The following CD96 variants were observed in gnomAD, a reference collection of about 807,000 sequenced individuals.
CD96 encodes CD96 molecule, also known as T-cell surface protein tactile.
In CD96, 70 loss-of-function variants were observed where a neutral mutation model predicts 71.3. The observed-to-expected ratio is 0.98, with a 90% CI of 0.81 to 1.20. CD96 has a LOEUF of 1.20. Ranked by LOEUF, CD96 falls within the 50% of genes most tolerant of loss-of-function variation. The probability of loss-of-function intolerance (pLI) is 0.00; values close to 1 mark genes in which losing one functional copy is unlikely to be tolerated. For missense variants in CD96, 742 were observed against 677.5 expected (o/e 1.10, Z -1.06); for synonymous variants, 248 against 233.0 (o/e 1.06, Z -0.59).
intron 2 of CD96, among the ~76,000 whole-genome samples, chr3:111,547,037 G>C (rs1934443798): frequency 6.6e-6 from 1 of 151,986 alleles, no homozygotes; most frequent in Non-Finnish European, 1.5e-5. Flanking sequence ...TACATAGTTT[G>C]ATTCAGGTAG....
chr3:111,658,182 A>G (rs554267125), intron 14 of CD96, among the ~76,000 whole-genome samples: 1 of 152,240 alleles, frequency 6.6e-6, no homozygotes, highest in Non-Finnish European at 1.5e-5. Context: ...AGGGTATGTC[A>G]GAAGGATATA....
intron 2 of CD96, among the ~76,000 whole-genome samples, chr3:111,565,529 T>A (rs545540122): frequency 6.6e-6 from 1 of 152,056 alleles, no homozygotes; most frequent in South Asian, 2.1e-4. Context: ...ATATTTTAAA[T>A]AAATATATAT....
At chr3:111,600,628 T>G in intron 6 of CD96, 98 bp from the exon 7 acceptor site, 1 of 925,094 alleles carries the variant, frequency 1.1e-6, no homozygotes, top group Non-Finnish European at 1.8e-6. Context: ...CACTTTAGAC[T>G]CTACATTACC....
intron 14 of CD96, among the ~76,000 whole-genome samples, chr3:111,661,567 C>T (rs1467356600): frequency 6.6e-6 from 1 of 152,186 alleles, no homozygotes; most frequent in Non-Finnish European, 1.5e-5. Flanking sequence ...GGTAAATGCT[C>T]CCATTCTGAA....
At chr3:111,644,674 AAAAC>A (rs1292822537) in intron 12 of CD96, among the ~76,000 whole-genome samples, 1 of 152,212 alleles carries the variant, frequency 6.6e-6, no homozygotes, top group Admixed American at 6.5e-5. Flanking sequence ...TAGTAAGAAA[AAAAC>A]AAACAACCCT....
chr3:111,581,550 A>G (rs1936467678), intron 4 of CD96, among the ~76,000 whole-genome samples: 2 of 152,044 alleles, frequency 1.3e-5, no homozygotes, highest in East Asian at 3.9e-4. Flanking sequence ...AAGAGGGGCT[A>G]CTCCAGCAAT....
downstream of CD96, among the ~76,000 whole-genome samples, chr3:111,665,963 T>C (rs1323686646): frequency 6.6e-6 from 1 of 152,230 alleles, no homozygotes; most frequent in African/African-American, 2.4e-5. Flanking sequence ...GCTTGACCAA[T>C]ATTTATCTGT....
intron 7 of CD96, among the ~76,000 whole-genome samples, chr3:111,603,305 A>C (rs1017274009): frequency 6.6e-6 from 1 of 152,080 alleles, no homozygotes; most frequent in Non-Finnish European, 1.5e-5. Context: ...TCAGCCGGGC[A>C]TGGTGGCGCA....
rs141322702 is a variant in CD96, at chr3:111,607,548, C to T, written c.1180+756C>T. Among the ~76,000 whole-genome samples the T allele has an allele frequency of 3.5e-3, 528 of 152,266 alleles. 5 individuals are homozygous for T. Among genetic ancestry groups the T allele is most frequent in the African/African-American group, 0.012 (496 of 41,550 alleles). ...ATGGTGACTCTCTAATACACAAAAG[C>T]TTATATTCTATGTAAAGTAGAAGTA... is the stretch of plus-strand genomic sequence containing the variant. On this transcript the variant is annotated intron_variant, in intron 8 of 13. Transcript: ENST00000352690.
intron 5 of CD96, among the ~76,000 whole-genome samples, chr3:111,595,758 G>A (rs1396442217): frequency 1.3e-5 from 2 of 151,502 alleles, no homozygotes; most frequent in East Asian, 1.9e-4. Context: ...ATATGTGTGT[G>A]TATACATATT....
chr3:111,573,885 C>G (rs1416745836), intron 3 of CD96, among the ~76,000 whole-genome samples: 1 of 152,160 alleles, frequency 6.6e-6, no homozygotes, highest in Non-Finnish European at 1.5e-5. Context: ...GCAGCTGATT[C>G]TAATTGTCTT....
At chr3:111,546,312 T>G (rs1576296354) in intron 2 of CD96, among the ~76,000 whole-genome samples, 1 of 152,278 alleles carries the variant, frequency 6.6e-6, no homozygotes, top group South Asian at 2.1e-4. Context: ...GGTTTGTGGG[T>G]GAATTTATGA....
chr3:111,570,919 A>C, intron 3 of CD96: 1 of 1,582,672 alleles, frequency 6.3e-7, no homozygotes, highest in Non-Finnish European at 8.7e-7. Context: ...TCAGTGCATG[A>C]GGCGCCAGCG....
downstream of CD96, among the ~76,000 whole-genome samples, chr3:111,657,148 C>T (rs1194783684): frequency 2.0e-5 from 3 of 152,026 alleles, no homozygotes; most frequent in African/African-American, 7.2e-5. Flanking sequence ...CTAATCCAAT[C>T]CAGGCTCACA....
intron 5 of CD96, among the ~76,000 whole-genome samples, chr3:111,590,344 C>T (rs950704745): frequency 6.6e-6 from 1 of 152,156 alleles, no homozygotes; most frequent in African/African-American, 2.4e-5. Flanking sequence ...AATTTCCTGC[C>T]CCTCCTTCAT....
At chr3:111,556,704 A>C (rs966549298) in intron 2 of CD96, among the ~76,000 whole-genome samples, 6 of 146,466 alleles carry the variant, frequency 4.1e-5, no homozygotes, top group Non-Finnish European at 7.5e-5. Context: ...ATTTATAGTC[A>C]TTTGGGTATA....
chr3:111,546,919 TACACAC>T (rs60838213), intron 2 of CD96, among the ~76,000 whole-genome samples: 26 of 138,088 alleles, frequency 1.9e-4, no homozygotes, highest in African/African-American at 5.5e-4. Context: ...CACAGACACA[TACACAC>T]ACACACACAC....
At chr3:111,653,435 T>A (rs75466219), downstream of CD96, among the ~76,000 whole-genome samples, 3,869 of 152,258 alleles carry the variant, frequency 0.025, 188 homozygotes, top group African/African-American at 0.089. Context: ...TTTATTTTTT[T>A]AAAAAAATAG....
At chr3:111,601,659 C>T (rs991118079) in intron 7 of CD96, among the ~76,000 whole-genome samples, 10 of 152,100 alleles carry the variant, frequency 6.6e-5, no homozygotes, top group South Asian at 2.1e-4. Flanking sequence ...TCTTATAAAA[C>T]GTAAATAGAT....
Sources: allele counts gnomAD v4.1 joint callset (sites outside exome capture counted in the v4.1 genomes callset), GRCh38; gene constraint gnomAD v4.1.1; transcripts MANE v1.5; gene names NCBI Gene and HGNC (gene_info 2026-07-23, HGNC 2026-07-21).